Variants in NXPH1 observed in about 807,000 individuals in gnomAD.
NXPH1 encodes neurexophilin 1, also known as neurexophilin-1.
NXPH1 carries 5 observed loss-of-function variants against 23.7 expected under a neutral mutation model. The observed-to-expected ratio is 0.21, with a 90% CI of 0.11 to 0.44. The LOEUF (loss-of-function observed/expected upper bound fraction) is 0.44, where lower values mean the gene tolerates loss of function less well. Among genes scored for constraint, NXPH1 ranks in the 20% least tolerant of loss-of-function variants. The pLI, the probability that NXPH1 is intolerant of heterozygous loss-of-function variation, is 0.99. For synonymous variants in NXPH1, 144 were observed against 122.2 expected, an observed-to-expected ratio of 1.18 and a Z score of -1.18; for missense variants, 324 against 321.6, an observed-to-expected ratio of 1.01 and a Z score of -0.06.
At chr7:8,750,311 AGTTT>A (rs1780542058) in intron 2 of NXPH1, among the ~76,000 whole-genome samples, 2 of 152,210 alleles carry the variant, frequency 1.3e-5, no homozygotes, top group African/African-American at 4.8e-5. Context: ...TGAGAATCAC[AGTTT>A]ATTTCATATT....
chr7:8,626,643 T>A (rs114259284), intron 2 of NXPH1, among the ~76,000 whole-genome samples: 1 of 152,106 alleles, frequency 6.6e-6, no homozygotes. Context: ...AATCAAAGTG[T>A]TCTTTAATTG....
chr7:8,544,988 G>T (rs1218136209), intron 2 of NXPH1, among the ~76,000 whole-genome samples: 1 of 151,490 alleles, frequency 6.6e-6, no homozygotes, highest in Non-Finnish European at 1.5e-5. Flanking sequence ...TTTCTTAATG[G>T]ATATCTACTC....
chr7:8,694,185 C>G (rs1014822157), intron 2 of NXPH1, among the ~76,000 whole-genome samples: 8 of 152,120 alleles, frequency 5.3e-5, no homozygotes, highest in Non-Finnish European at 7.4e-5. Flanking sequence ...TTTCCTCAAG[C>G]TGCATGTCAT....
intron 2 of NXPH1, among the ~76,000 whole-genome samples, chr7:8,459,325 T>G (rs1480238613): frequency 6.6e-6 from 1 of 152,152 alleles, no homozygotes; most frequent in Non-Finnish European, 1.5e-5. Context: ...GCAAACACCC[T>G]TCACAAAAGT....
At chr7:8,545,104 G>C (rs559662967) in intron 2 of NXPH1, among the ~76,000 whole-genome samples, 2 of 151,632 alleles carry the variant, frequency 1.3e-5, no homozygotes, top group Admixed American at 1.3e-4. Context: ...AGCTACCAGG[G>C]AAATGTCTCT....
intron 2 of NXPH1, among the ~76,000 whole-genome samples, chr7:8,514,753 C>T (rs1481868845): frequency 6.6e-6 from 1 of 152,052 alleles, no homozygotes; most frequent in Non-Finnish European, 1.5e-5. Context: ...TTTTAAATTG[C>T]ATGCTATTCT....
intron 2 of NXPH1, among the ~76,000 whole-genome samples, chr7:8,575,143 C>G (rs1337162588): frequency 2.0e-5 from 3 of 152,108 alleles, no homozygotes; most frequent in Non-Finnish European, 4.4e-5. Flanking sequence ...TGTCATAAAA[C>G]TTTGCTCAGA....
At chr7:8,675,504 A>G (rs912573632) in intron 2 of NXPH1, among the ~76,000 whole-genome samples, 1 of 152,108 alleles carries the variant, frequency 6.6e-6, no homozygotes, top group African/African-American at 2.4e-5. Context: ...TTCATTCGAC[A>G]ATCAGTTATT....
intron 2 of NXPH1, among the ~76,000 whole-genome samples, chr7:8,577,348 G>A (rs531749136): frequency 6.6e-6 from 1 of 152,298 alleles, no homozygotes; most frequent in Admixed American, 6.5e-5. Flanking sequence ...AGGGGTATGT[G>A]TCTTCTCCCA....
chr7:8,578,111 C>T (rs1001910095), intron 2 of NXPH1, among the ~76,000 whole-genome samples: 1 of 152,138 alleles, frequency 6.6e-6, no homozygotes, highest in Non-Finnish European at 1.5e-5. Context: ...ACTTTTGGGG[C>T]GATTTGTTAC....
At chr7:8,667,550 G>C (rs988196188) in intron 2 of NXPH1, among the ~76,000 whole-genome samples, 1 of 150,594 alleles carries the variant, frequency 6.6e-6, no homozygotes, top group Non-Finnish European at 1.5e-5. Context: ...TGTGAAATCT[G>C]ATTCTAGCCT....
At chr7:8,438,091 A>G (rs1348806633) in intron 2 of NXPH1, among the ~76,000 whole-genome samples, 6 of 152,224 alleles carry the variant, frequency 3.9e-5, no homozygotes, top group Admixed American at 3.9e-4. Context: ...TTCCTGAAGG[A>G]GCAAAAAGCT....
intron 2 of NXPH1, among the ~76,000 whole-genome samples, chr7:8,530,970 AAGAGGAC>A (rs1456375176): frequency 2.6e-5 from 4 of 152,206 alleles, no homozygotes; most frequent in Non-Finnish European, 5.9e-5. Flanking sequence ...TTTGCTTCAA[AAGAGGAC>A]AGAATGTAAC....
At chr7:8,594,008 G>A (rs1353674678) in intron 2 of NXPH1, among the ~76,000 whole-genome samples, 3 of 151,268 alleles carry the variant, frequency 2.0e-5, no homozygotes, top group South Asian at 2.1e-4. Flanking sequence ...AAATTCTTGT[G>A]GGAGGTATGA....
Position 8,471,611 on chromosome 7 carries a change from G to A in NXPH1, c.54+35844G>A, listed in dbSNP as rs951743784. 3.3e-5 allele frequency among the ~76,000 whole-genome samples: 5 copies of A among 152,226 alleles called. No homozygotes were observed. In the East Asian group the frequency reaches 9.7e-4, roughly 30 times the overall value. On this transcript the variant is annotated intron_variant, in intron 2 of 2. Transcript: ENST00000405863. Reference sequence around the variant, plus strand: ...CTTGGCATGGAACAGTAGGAGGAAGGATTCATCCATGGCCTTCAACTAACT... The same window carrying A: ...CTTGGCATGGAACAGTAGGAGGAAGAATTCATCCATGGCCTTCAACTAACT...
In NXPH1 at chr7:8,580,111, A is replaced by T. The variant is rs1483362805; in HGVS notation, c.54+144344A>T. ...GAGAACAAAGTAGGCTGAGGCCCTG[A>T]GGCCTGCTTCACTGGGGAACGGGCA... On this transcript the variant is annotated intron_variant, in intron 2 of 2. Coordinates refer to ENST00000405863, the MANE Select transcript of NXPH1 (RefSeq NM_152745.3). Among the ~76,000 whole-genome samples, 3 of 152,306 alleles carry T rather than the reference A, an allele frequency of 2.0e-5. No homozygotes were observed. The East Asian group carries it at 5.8e-4, about 29-fold the overall frequency.
chr7:8,649,009 C>T (rs947611223), intron 2 of NXPH1, among the ~76,000 whole-genome samples: 1 of 145,430 alleles, frequency 6.9e-6, no homozygotes, highest in Non-Finnish European at 1.5e-5. Context: ...TTTAAGATTG[C>T]TATTTTACTC....
chr7:8,595,655 G>C (rs112032320), intron 2 of NXPH1, among the ~76,000 whole-genome samples: 2,265 of 152,120 alleles, frequency 0.015, 61 homozygotes, highest in African/African-American at 0.05. Context: ...AAGTGTATCT[G>C]ACTTCTACGG....
At chr7:8,545,589 A>G (rs1033665037) in intron 2 of NXPH1, among the ~76,000 whole-genome samples, 8 of 151,452 alleles carry the variant, frequency 5.3e-5, no homozygotes, top group African/African-American at 1.7e-4. Flanking sequence ...TTCTTTTTCT[A>G]TGTTTGAAAC....
Sources: gnomAD v4.1 joint callset for allele counts (sites outside exome capture counted in the v4.1 genomes callset) on GRCh38, gnomAD v4.1.1 for gene constraint, MANE v1.5 for transcripts, NCBI Gene and HGNC (gene_info 2026-07-23, HGNC 2026-07-21) for gene names.